KMT2E: variants seen among roughly 807,000 people sequenced by gnomAD.
The protein encoded by KMT2E is histone reader KMT2E.
A neutral mutation model predicts 184.6 loss-of-function variants in KMT2E; 30 were observed. That is an observed-to-expected ratio of 0.16 (90% CI 0.12 to 0.22). The LOEUF is 0.22. Ranked by LOEUF, KMT2E falls within the 10% of genes least tolerant of loss-of-function variation. The pLI is 1.00. For missense variants in KMT2E, 2,023 were observed against 2,237.4 expected (o/e 0.90, Z 1.93); for synonymous variants, 815 against 776.5 (o/e 1.05, Z -0.82).
At chr7:105,063,617 A>C (rs949828076) in intron 5 of KMT2E, 37 bp downstream of exon 5, 1 of 1,345,200 alleles carries the variant, frequency 7.4e-7, no homozygotes, top group Non-Finnish European at 1.0e-6. Flanking sequence ...TTTTTCTTGA[A>C]TGCTGATAAC....
intron 15 of KMT2E, among the ~76,000 whole-genome samples, chr7:105,094,875 T>G (rs901609613): frequency 3.3e-5 from 5 of 152,232 alleles, no homozygotes; most frequent in Non-Finnish European, 7.3e-5. Context: ...TATATAGGGT[T>G]CAGTACTATC....
intron 15 of KMT2E, among the ~76,000 whole-genome samples, chr7:105,095,414 G>A (rs556890085): frequency 1.3e-5 from 2 of 152,102 alleles, no homozygotes; most frequent in African/African-American, 4.8e-5. Context: ...AATATATTTG[G>A]TTGGGATTAT....
In KMT2E at chr7:105,112,439, G is replaced by A. The variant is rs751370825; in HGVS notation, c.4683G>A (p.Gln1561=). Residue 1561 remains glutamine, a synonymous_variant, in exon 27 of 27, where the codon CAG becomes CAA. Transcript: ENST00000311117. The stretch of plus-strand genomic sequence containing the variant: ...CTTCGTCTTACTATCAAAACCAGCA[G>A]CCCTCTGCAAACTTTCAGAATTATA... ...PPSSSYYQNQ[Q]PSANFQNYNQ... 66 of 1,613,182 alleles carry A rather than the reference G, an allele frequency of 4.1e-5. No homozygotes were observed. The highest frequency in any genetic ancestry group is 4.7e-5 in the Non-Finnish European group (55 of 1,179,878).
chr7:105,077,947 C>T (rs1211620089), intron 11 of KMT2E: 1 of 153,960 alleles, frequency 6.5e-6, no homozygotes, highest in Non-Finnish European at 1.4e-5. Flanking sequence ...TATTGGAGGT[C>T]TCTTCTTTGG....
At chr7:105,017,209 G>C (rs985222706) in intron 1 of KMT2E, among the ~76,000 whole-genome samples, 1 of 152,242 alleles carries the variant, frequency 6.6e-6, no homozygotes, top group Admixed American at 6.5e-5. Context: ...TGTGGCCATA[G>C]GAGGGAACAC....
rs1383830352 is a variant in KMT2E at position 105,045,658 on chromosome 7, T to C, written c.71+4635T>C. ...TTTATGGCTGAATAATAGTCCATTGTATAGATGTACTATATTTTGCTTATC... is the reference window on the plus strand; with the variant it reads ...TTTATGGCTGAATAATAGTCCATTGCATAGATGTACTATATTTTGCTTATC... On this transcript the variant is annotated intron_variant, in intron 3 of 26. Coordinates refer to ENST00000311117, the MANE Select transcript of KMT2E (RefSeq NM_182931.3). 5.9e-5 allele frequency among the ~76,000 whole-genome samples: 9 copies of C among 152,248 alleles called. No homozygotes were observed. The East Asian group carries it at 1.7e-3, about 29-fold the overall frequency.
intron 3 of KMT2E, among the ~76,000 whole-genome samples, chr7:105,061,051 G>C (rs770570406): frequency 6.6e-6 from 1 of 152,074 alleles, no homozygotes; most frequent in African/African-American, 2.4e-5. Context: ...ATCTCCTTTA[G>C]AACCATTAGA....
Position 105,102,061 on chromosome 7 carries a change from CACA to C in KMT2E, c.2068_2070del (p.Gln690del). The C allele has an allele frequency of 6.2e-7, 1 of 1,613,814 alleles. No homozygotes were observed. The highest frequency in any genetic ancestry group is 8.5e-7 in the Non-Finnish European group (1 of 1,179,822). ...TCTTCTCCTGATATAGAAGTTACTTCACAACAAAATGATATTGAAAATACTGTA... is the reference window on the plus strand; with the variant it reads ...TCTTCTCCTGATATAGAAGTTACTTCACAAAATGATATTGAAAATACTGTA... On this transcript the variant is annotated inframe_deletion, in exon 17 of 27. Coordinates refer to ENST00000311117, the MANE Select transcript of KMT2E (RefSeq NM_182931.3).
intron 1 of KMT2E, among the ~76,000 whole-genome samples, chr7:105,017,417 GTTTTT>G (rs754633018): frequency 7.7e-6 from 1 of 129,094 alleles, no homozygotes; most frequent in Non-Finnish European, 1.7e-5. Context: ...GTGGTGGGTG[GTTTTT>G]TTTTGTTTTT....
At chr7:105,093,058 G>C (rs540787036) in intron 15 of KMT2E, among the ~76,000 whole-genome samples, 2 of 152,208 alleles carry the variant, frequency 1.3e-5, no homozygotes, top group South Asian at 4.2e-4. Context: ...AGCCAGGTGT[G>C]ACAGTGCATG....
intron 6 of KMT2E, among the ~76,000 whole-genome samples, chr7:105,073,116 A>G (rs1584760438): frequency 6.6e-6 from 1 of 151,698 alleles, no homozygotes; most frequent in South Asian, 2.1e-4. Context: ...TCCTAAGTAA[A>G]TTATTTTCTT....
Position 105,014,806 on chromosome 7 carries a change from G to A in KMT2E, c.-189+271G>A, listed in dbSNP as rs993411900. 2.0e-5 allele frequency among the ~76,000 whole-genome samples: 3 copies of A among 152,132 alleles called. No individual in the cohort carries two copies. In the South Asian group the frequency reaches 6.2e-4, roughly 32 times the overall value. On this transcript the variant is annotated intron_variant, in intron 1 of 26. Coordinates refer to ENST00000311117, the MANE Select transcript of KMT2E (RefSeq NM_182931.3). ...CCCCCTTGAGAGTGGGGGAGTTAGG[G>A]AGGGGGCGCACTCCTCATTGGCAGC...
At chr7:105,063,157 G>T (rs981000236) in intron 4 of KMT2E, among the ~76,000 whole-genome samples, 194 bp from the exon 5 acceptor site, 1 of 151,940 alleles carries the variant, frequency 6.6e-6, no homozygotes, top group Admixed American at 6.6e-5. Flanking sequence ...TTTGTAGATA[G>T]ATATATTCAC....
At chr7:105,093,102 G>T (rs1302005593) in intron 15 of KMT2E, among the ~76,000 whole-genome samples, 2 of 152,138 alleles carry the variant, frequency 1.3e-5, no homozygotes, top group African/African-American at 4.8e-5. Flanking sequence ...TGCTGAAGCG[G>T]GAGGATCACT....
At chr7:105,078,636 G>A (rs961148372) in intron 11 of KMT2E, among the ~76,000 whole-genome samples, 13 of 145,974 alleles carry the variant, frequency 8.9e-5, no homozygotes, top group African/African-American at 3.3e-4. Context: ...GGGACTACAG[G>A]CACATGCTAC....
intron 1 of KMT2E, among the ~76,000 whole-genome samples, chr7:105,021,261 A>C (rs1191211867): frequency 6.6e-6 from 1 of 152,216 alleles, no homozygotes; most frequent in East Asian, 1.9e-4. Flanking sequence ...GAAGTTGCTT[A>C]ATTGGTTGCC....
intron 1 of KMT2E, among the ~76,000 whole-genome samples, chr7:105,031,429 T>A (rs910897438): frequency 6.6e-6 from 1 of 151,460 alleles, no homozygotes; most frequent in Non-Finnish European, 1.5e-5. Flanking sequence ...TTCATTTTAA[T>A]CAAAAACCTG....
chr7:105,044,557 A>G (rs1334585917), intron 3 of KMT2E, among the ~76,000 whole-genome samples: 4 of 152,118 alleles, frequency 2.6e-5, no homozygotes, highest in Non-Finnish European at 5.9e-5. Context: ...TGACACTTAG[A>G]TCAGTCATCT....
At position 105,092,402 on chromosome 7, in the gene KMT2E, CAA is replaced by C. The variant is rs531012938; in HGVS notation, c.1722+1097_1722+1098del. ...GGGTGACAGAGCAAGACTCCATCTC[CAA>C]AAAAAAAAGTTTGGTCATTGTTGAC... is the stretch of plus-strand genomic sequence containing the variant. On this transcript the variant is annotated intron_variant, in intron 15 of 26. Coordinates refer to ENST00000311117, the MANE Select transcript of KMT2E (RefSeq NM_182931.3). Among the ~76,000 whole-genome samples, 7 of 145,710 alleles carry C rather than the reference CAA, an allele frequency of 4.8e-5. No homozygotes were observed. The South Asian group carries it at 1.5e-3, about 32-fold the overall frequency.
Sources: allele counts gnomAD v4.1 joint callset (sites outside exome capture counted in the v4.1 genomes callset), GRCh38; gene constraint gnomAD v4.1.1; transcripts MANE v1.5; gene names NCBI Gene and HGNC (gene_info 2026-07-23, HGNC 2026-07-21).